The following COX10 variants were observed in gnomAD, a reference collection of about 807,000 sequenced individuals.
COX10 encodes cytochrome c oxidase assembly factor heme A:farnesyltransferase COX10.
COX10 carries 27 observed loss-of-function variants against 37.3 expected under a neutral mutation model. The observed-to-expected ratio is 0.72, with a 90% CI of 0.53 to 1.00. The LOEUF (loss-of-function observed/expected upper bound fraction) is 1.00, where lower values mean the gene tolerates loss of function less well. COX10 is among the 50% of genes least tolerant of loss of function. The probability of loss-of-function intolerance (pLI) is 0.00; values close to 1 mark genes in which losing one functional copy is unlikely to be tolerated. For synonymous variants in COX10, 222 were observed against 229.1 expected, an observed-to-expected ratio of 0.97 and a Z score of 0.28; for missense variants, 475 against 563.2, an observed-to-expected ratio of 0.84 and a Z score of 1.59.
At chr17:14,142,746 G>T (rs377756329) in intron 4 of COX10, among the ~76,000 whole-genome samples, 1 of 152,132 alleles carries the variant, frequency 6.6e-6, no homozygotes, top group African/African-American at 2.4e-5. Context: ...AATATTTTGT[G>T]TGTATATCAA....
At chr17:14,175,090 G>C (rs867257174) in intron 5 of COX10, among the ~76,000 whole-genome samples, 2 of 78,970 alleles carry the variant, frequency 2.5e-5, no homozygotes, top group East Asian at 3.1e-4. Flanking sequence ...TAGCGGGGGG[G>C]GGGGGGGTGG....
chr17:14,105,507 T>C (rs1033698396), intron 4 of COX10, among the ~76,000 whole-genome samples: 7 of 152,206 alleles, frequency 4.6e-5, no homozygotes, highest in Non-Finnish European at 1.0e-4. Flanking sequence ...GCAGAGCATA[T>C]TTACATAAAT....
At chr17:14,130,613 A>T (rs1246101295) in intron 4 of COX10, among the ~76,000 whole-genome samples, 1 of 152,030 alleles carries the variant, frequency 6.6e-6, no homozygotes, top group African/African-American at 2.4e-5. Flanking sequence ...GAGTTAAAGT[A>T]AATCTGTTAA....
intron 3 of COX10, among the ~76,000 whole-genome samples, chr17:14,087,457 C>G (rs1915434965): frequency 6.6e-6 from 1 of 152,166 alleles, no homozygotes; most frequent in South Asian, 2.1e-4. Context: ...GTTCTGTCTT[C>G]TATACCTACA....
chr17:14,198,486 C>T (rs185429178), intron 6 of COX10, among the ~76,000 whole-genome samples: 5 of 152,292 alleles, frequency 3.3e-5, no homozygotes, highest in African/African-American at 1.2e-4. Flanking sequence ...TTCGTAATGA[C>T]CATCTTGTAG....
chr17:14,129,705 G>A (rs918063077), intron 4 of COX10, among the ~76,000 whole-genome samples: 2 of 152,146 alleles, frequency 1.3e-5, no homozygotes, highest in African/African-American at 4.8e-5. Flanking sequence ...AGCAAAAGAC[G>A]TGAAGATGCA....
intron 5 of COX10, among the ~76,000 whole-genome samples, chr17:14,183,364 A>G (rs1905923052): frequency 6.6e-6 from 1 of 152,194 alleles, no homozygotes; most frequent in Non-Finnish European, 1.5e-5. Flanking sequence ...TTTCTTATTC[A>G]TACATTTATT....
chr17:14,123,096 C>G (rs1028515052), intron 4 of COX10, among the ~76,000 whole-genome samples: 6 of 152,092 alleles, frequency 3.9e-5, no homozygotes, highest in African/African-American at 1.4e-4. Flanking sequence ...TTTCATGTAC[C>G]CTGTCTTTGA....
chr17:14,113,807 T>G (rs1366500141), intron 4 of COX10, among the ~76,000 whole-genome samples: 1 of 152,178 alleles, frequency 6.6e-6, no homozygotes, highest in Non-Finnish European at 1.5e-5. Flanking sequence ...GGCATTATGT[T>G]TCAGAAAGTG....
At chr17:14,081,580 C>G (rs2142185876) in intron 3 of COX10, among the ~76,000 whole-genome samples, 1 of 152,282 alleles carries the variant, frequency 6.6e-6, no homozygotes, top group South Asian at 2.1e-4. Context: ...TCCCTGCATT[C>G]AAATCCTGGC....
chr17:14,082,139 A>G (rs1226986669), intron 3 of COX10, among the ~76,000 whole-genome samples: 1 of 152,186 alleles, frequency 6.6e-6, no homozygotes, highest in Non-Finnish European at 1.5e-5. Flanking sequence ...GACCATGCTG[A>G]TGGTCACCAG....
In COX10 at chr17:14,094,510, A is replaced by G. The variant is rs558982078; in HGVS notation, c.500-7608A>G. ...TGCAGTATTTTTGAGATTTTAATAA[A>G]TGTAAAAGCATTTTGGCACACTGAA... On this transcript the variant is annotated intron_variant, in intron 3 of 6. Transcript: ENST00000261643. Among the ~76,000 whole-genome samples the G allele has an allele frequency of 3.3e-5, 5 of 152,228 alleles. No individual in the cohort carries two copies. In the South Asian group the frequency reaches 1.0e-3, roughly 32 times the overall value.
intron 4 of COX10, among the ~76,000 whole-genome samples, chr17:14,153,010 G>C (rs557468183): frequency 6.6e-6 from 1 of 152,288 alleles, no homozygotes; most frequent in East Asian, 1.9e-4. Flanking sequence ...CATGGCTACT[G>C]CTTCATTTCC....
intron 4 of COX10, among the ~76,000 whole-genome samples, chr17:14,105,809 A>G (rs867865338): frequency 7.8e-4 from 119 of 152,028 alleles, no homozygotes; most frequent in African/African-American, 2.8e-3. Flanking sequence ...ACCCAAATAG[A>G]TCCATTTGTT....
chr17:14,179,503 C>G (rs1011735911), intron 5 of COX10, among the ~76,000 whole-genome samples: 5 of 152,044 alleles, frequency 3.3e-5, no homozygotes, highest in Middle Eastern at 3.2e-3. Flanking sequence ...AAAACCTAGC[C>G]ACATGTATAA....
chr17:14,165,223 G>T (rs1017073784), intron 5 of COX10, among the ~76,000 whole-genome samples: 2 of 152,090 alleles, frequency 1.3e-5, no homozygotes, highest in African/African-American at 4.8e-5. Context: ...ATTGCACTTT[G>T]CTTTATTATG....
At chr17:14,147,797 T>A (rs11870145) in intron 4 of COX10, among the ~76,000 whole-genome samples, 3,900 of 116,542 alleles carry the variant, frequency 0.033, 291 homozygotes, top group African/African-American at 0.11. Context: ...TTAAAAAAAA[T>A]TTTTAAGAAA....
Position 14,206,864 on chromosome 17 carries a change from C to T in COX10, c.983C>T (p.Ala328Val). ...LYSWQFPHFN[A>V]LSWGLREDYS... is the part of the protein sequence containing the mutation. Reference sequence around the variant, plus strand: ...TCCTGGCAGTTTCCTCATTTCAACGCCCTGAGCTGGGGCCTCCGTGAAGAC... The same window carrying T: ...TCCTGGCAGTTTCCTCATTTCAACGTCCTGAGCTGGGGCCTCCGTGAAGAC... Residue 328 changes from alanine (A) to valine (V), a missense_variant, in exon 7 of 7, where the codon GCC becomes GTC. Ala to Val is a moderately conservative substitution (Grantham distance 64). Transcript: ENST00000261643. The T allele has an allele frequency of 6.2e-7, 1 of 1,614,136 alleles. No individual in the cohort carries two copies.
Position 14,083,075 on chromosome 17 carries a change from A to C in COX10, c.499+6019A>C, listed in dbSNP as rs115950757. On this transcript the variant is annotated intron_variant, in intron 3 of 6. Transcript: ENST00000261643. Reference sequence around the variant, plus strand: ...GGGCAAAATCTGGACCACAGAAGAGAGGCATGCAAAGCAAGACGGATGCAC... The same window carrying C: ...GGGCAAAATCTGGACCACAGAAGAGCGGCATGCAAAGCAAGACGGATGCAC... Among the ~76,000 whole-genome samples the C allele has an allele frequency of 2.6e-3, 392 of 152,306 alleles. 2 individuals carry two copies. Among genetic ancestry groups the C allele is most frequent in the African/African-American group, 8.9e-3 (371 of 41,560 alleles).
Sources: allele counts gnomAD v4.1 joint callset (sites outside exome capture counted in the v4.1 genomes callset), GRCh38; gene constraint gnomAD v4.1.1; transcripts MANE v1.5; gene names NCBI Gene and HGNC (gene_info 2026-07-23, HGNC 2026-07-21).